Variants in USF3 observed in about 807,000 individuals in gnomAD.
USF3 encodes the protein basic helix-loop-helix domain-containing protein USF3.
USF3 carries 29 observed loss-of-function variants against 157.5 expected under a neutral mutation model. That is an observed-to-expected ratio of 0.18 (90% confidence interval 0.14 to 0.25). USF3 has a LOEUF of 0.25. Ranked by LOEUF, USF3 falls within the 10% of genes least tolerant of loss-of-function variation. The probability of loss-of-function intolerance (pLI) is 1.00; values close to 1 mark genes in which losing one functional copy is unlikely to be tolerated. For synonymous variants in USF3, 893 were observed against 941.4 expected (o/e 0.95, Z 0.94); for missense variants, 2,381 against 2,667.6 (o/e 0.89, Z 2.37).
At chr3:113,661,503 T>C (rs1947486669) in intron 6 of USF3, 78 bp from the exon 7 acceptor site, 13 of 760,390 alleles carry the variant, frequency 1.7e-5, no homozygotes, top group Non-Finnish European at 2.6e-5. Context: ...AACTGTATAC[T>C]AAACTACTGA....
intron 1 of USF3, among the ~76,000 whole-genome samples, chr3:113,694,228 A>C (rs2107967901): frequency 6.6e-6 from 1 of 152,346 alleles, no homozygotes; most frequent in East Asian, 1.9e-4. Flanking sequence ...GTTTATAAGC[A>C]ACAAACTTGA....
intron 4 of USF3, among the ~76,000 whole-genome samples, chr3:113,671,795 G>A (rs567918377): frequency 1.5e-5 from 2 of 135,428 alleles, no homozygotes; most frequent in African/African-American, 5.6e-5. Flanking sequence ...TTGAGACAAG[G>A]TGTTGTTCCA....
Position 113,669,666 on chromosome 3 carries a change from A to G in USF3, c.159+455T>C, listed in dbSNP as rs970062283. Among the ~76,000 whole-genome samples, 9 of 82,380 alleles carry G rather than the reference A, an allele frequency of 1.1e-4. 1 individual carries two copies. Among genetic ancestry groups the G allele is most frequent in the Non-Finnish European group, 3.1e-4 (9 of 29,422 alleles). 54.0% of individuals were successfully genotyped at this position (82,380 alleles called of 152,430 possible). A position where few individuals can be genotyped will look rare whatever the true frequency, so the allele number is the denominator to read the frequency against. On this transcript the variant is annotated intron_variant, in intron 5 of 6. Coordinates refer to ENST00000316407, the MANE Select transcript of USF3 (RefSeq NM_001009899.4). ...ATAATCCTCATTATTAGAAGGAACAAAAAGGTATCTTCATTAGAGAACACT... is the reference window on the plus strand; with the variant it reads ...ATAATCCTCATTATTAGAAGGAACAGAAAGGTATCTTCATTAGAGAACACT...
Position 113,653,036 on chromosome 3 carries a change from C to A in USF3, c.*1908G>T. ...TTAGTTGCACCTAACGACACTCCAGCCTGGGTGACAGAGTCTCAAAAAAAA... is the reference window on the plus strand; with the variant it reads ...TTAGTTGCACCTAACGACACTCCAGACTGGGTGACAGAGTCTCAAAAAAAA... On this transcript the variant is annotated 3_prime_UTR_variant, in exon 7 of 7. Transcript: ENST00000316407. The A allele has an allele frequency of 3.9e-6, 2 of 514,700 alleles. No individual in the cohort carries two copies. The highest frequency in any genetic ancestry group is 2.1e-5 in the African/African-American group (1 of 48,450). The allele number at this position is 514,700 out of a possible 1,614,324, so 31.9% of individuals were successfully genotyped here. A position where few individuals can be genotyped will look rare whatever the true frequency, so the allele number is the denominator to read the frequency against.
intron 1 of USF3, among the ~76,000 whole-genome samples, chr3:113,688,941 G>A (rs1347769264): frequency 6.6e-6 from 1 of 152,172 alleles, no homozygotes; most frequent in Non-Finnish European, 1.5e-5. Context: ...TGAGGCCGGA[G>A]AATGGTATGA....
At chr3:113,665,950 C>T (rs1041032403) in intron 5 of USF3, among the ~76,000 whole-genome samples, 3 of 152,016 alleles carry the variant, frequency 2.0e-5, no homozygotes, top group Non-Finnish European at 2.9e-5. Context: ...TTTGGGAAGC[C>T]GAGGTGGGCA....
chr3:113,674,102 G>C (rs1411935176), intron 3 of USF3, among the ~76,000 whole-genome samples: 2 of 152,078 alleles, frequency 1.3e-5, no homozygotes, highest in Non-Finnish European at 2.9e-5. Context: ...CAGAAAAAAA[G>C]GTTATACAAA....
Position 113,652,108 on chromosome 3 carries a change from A to AGAGTGTGTGTGT in USF3, c.*2835_*2836insACACACACACTC, listed in dbSNP as rs1266464109. On this transcript the variant is annotated 3_prime_UTR_variant, in exon 7 of 7. Transcript: ENST00000316407. ...TGGAGAGAGAGAGAGAGAGAGAGAG[A>AGAGTGTGTGTGT]GTGTGTGTGTGTGTGTGTGTGTGTG... The AGAGTGTGTGTGT allele has an allele frequency of 7.0e-6, 1 of 141,978 alleles. No individual in the cohort carries two copies. The highest frequency in any genetic ancestry group is 1.5e-5 in the Non-Finnish European group (1 of 65,192). The allele number at this position is 141,978 out of a possible 1,614,324, so 8.8% of individuals were successfully genotyped here.
chr3:113,687,924 C>T (rs1707594980), intron 1 of USF3, among the ~76,000 whole-genome samples: 1 of 152,186 alleles, frequency 6.6e-6, no homozygotes, highest in South Asian at 2.1e-4. Flanking sequence ...TAAATTTATA[C>T]AAATGTAAAA....
intron 5 of USF3, among the ~76,000 whole-genome samples, chr3:113,665,903 G>A (rs774537475): frequency 1.3e-5 from 2 of 151,846 alleles, no homozygotes; most frequent in Admixed American, 6.6e-5. Flanking sequence ...ATATCTTGGC[G>A]GCCGGGTACG....
At position 113,650,452 on chromosome 3, in the gene USF3, A is replaced by G. The variant is rs1947241314; in HGVS notation, c.*4492T>C. On this transcript the variant is annotated 3_prime_UTR_variant, in exon 7 of 7. Transcript: ENST00000316407. ...AATAAATGTTTCAAGGCAAAGGAGT[A>G]ATCATCTCGCTAAGGAAATGACTGG... The G allele has an allele frequency of 6.6e-6, 1 of 152,284 alleles. No homozygotes were observed. The highest frequency in any genetic ancestry group is 1.5e-5 in the Non-Finnish European group (1 of 68,098). 9.4% of individuals were successfully genotyped at this position (152,284 alleles called of 1,614,324 possible). A position where few individuals can be genotyped will look rare whatever the true frequency, so the allele number is the denominator to read the frequency against.
intron 1 of USF3, among the ~76,000 whole-genome samples, chr3:113,693,182 A>G (rs1707723414): frequency 1.3e-5 from 2 of 152,260 alleles, no homozygotes; most frequent in Non-Finnish European, 2.9e-5. Context: ...TTAACTGCCT[A>G]GTAATCACAA....
At position 113,659,404 on chromosome 3, in the gene USF3, G is replaced by A; in HGVS notation, c.2278C>T (p.Pro760Ser). ...CVSLTTTAAP[P>S]VTTDSSATLA... ...GTGGCTGAACTATCTGTTGTCACAG[G>A]AGGTGCTGCAGTTGTTGTTAATGAA... Residue 760 changes from proline to serine, a missense_variant, in exon 7 of 7, where the codon CCT becomes TCT. By Grantham distance (74) the Pro-to-Ser change is moderately conservative (BLOSUM62 -1). Coordinates refer to ENST00000316407, the MANE Select transcript of USF3 (RefSeq NM_001009899.4). The A allele has an allele frequency of 6.2e-7, 1 of 1,614,234 alleles. No individual in the cohort carries two copies.
intron 1 of USF3, among the ~76,000 whole-genome samples, chr3:113,683,169 A>G (rs1707473277): frequency 6.6e-6 from 1 of 151,766 alleles, no homozygotes; most frequent in South Asian, 2.1e-4. Flanking sequence ...ACACCTTATA[A>G]CCCATTATTT....
intron 1 of USF3, among the ~76,000 whole-genome samples, chr3:113,692,613 T>C (rs1577057079): frequency 6.6e-6 from 1 of 152,210 alleles, no homozygotes; most frequent in East Asian, 1.9e-4. Context: ...TCTAAAACGT[T>C]CTTATGAGCT....
chr3:113,691,097 G>A (rs1237984384), intron 1 of USF3, among the ~76,000 whole-genome samples: 1 of 152,168 alleles, frequency 6.6e-6, no homozygotes, highest in Non-Finnish European at 1.5e-5. Flanking sequence ...CCTGAGGTAG[G>A]AGGATGGCTT....
rs1947347717 is a variant in USF3, at chr3:113,655,864, T to C, written c.5818A>G (p.Thr1940Ala). 6.2e-7 allele frequency: 1 copy of C among 1,614,072 alleles called. No individual in the cohort carries two copies. The highest frequency in any genetic ancestry group is 1.3e-5 in the African/African-American group (1 of 74,930). The part of the protein sequence containing the change: ...ATKGHMNPPV[T>A]TNMHGVARPA... Reference sequence around the variant, plus strand: ...CTTGCAACCCCATGCATGTTGGTTGTGACTGGAGGGTTCATGTGGCCCTTG... The same window carrying C: ...CTTGCAACCCCATGCATGTTGGTTGCGACTGGAGGGTTCATGTGGCCCTTG... The change falls in exon 7 of 7, where the codon ACA becomes GCA. Residue 1940 changes from threonine (T) to alanine (A), a missense_variant. Transcript: ENST00000316407.
intron 4 of USF3, among the ~76,000 whole-genome samples, chr3:113,672,324 C>G (rs933985139): frequency 1.3e-5 from 2 of 151,802 alleles, no homozygotes; most frequent in Admixed American, 6.6e-5. Flanking sequence ...TGGGGTTTCG[C>G]CATGTTGGCC....
chr3:113,661,142 G>T lies in USF3; in HGVS notation c.540C>A (p.Thr180=). The T allele has an allele frequency of 1.2e-6, 2 of 1,614,082 alleles. No individual in the cohort carries two copies. The highest frequency in any genetic ancestry group is 1.7e-6 in the Non-Finnish European group (2 of 1,179,984). The change falls in exon 7 of 7, where the codon ACC becomes ACA. Residue 180 remains threonine (T), a synonymous_variant. Transcript: ENST00000316407. ...TCCTCTGTACTGGCACCACATTGGC[G>T]GTCTGCTTTTGTAAATTATGACTAA... The part of the protein sequence containing the change: ...FNVSHNLQKQ[T]ANVVPVQRTC...
Sources: gnomAD v4.1 joint callset for allele counts (sites outside exome capture counted in the v4.1 genomes callset) on GRCh38, gnomAD v4.1.1 for gene constraint, MANE v1.5 for transcripts, NCBI Gene and HGNC (gene_info 2026-07-23, HGNC 2026-07-21) for gene names.